Variants in ZFAT observed in about 807,000 individuals in gnomAD.
ZFAT encodes zinc finger and AT-hook domain containing, also known as zinc finger protein ZFAT.
In ZFAT, 64 loss-of-function variants were observed where a neutral mutation model predicts 117.7. The ratio of observed to expected loss-of-function variants is 0.54; its 90% CI spans 0.44 to 0.67. ZFAT has a LOEUF of 0.67. ZFAT is among the 30% of genes least tolerant of loss of function. The pLI, the probability that ZFAT is intolerant of heterozygous loss-of-function variation, is 0.00. For missense variants in ZFAT, 1,433 were observed against 1,584.5 expected, an observed-to-expected ratio of 0.90 and a Z score of 1.62; for synonymous variants, 679 against 615.0, an observed-to-expected ratio of 1.10 and a Z score of -1.54.
intron 3 of ZFAT, among the ~76,000 whole-genome samples, chr8:134,617,426 C>A (rs1437369693): frequency 6.6e-6 from 1 of 152,116 alleles, no homozygotes; most frequent in Non-Finnish European, 1.5e-5. Context: ...AATAAATATA[C>A]AACATAATGT....
chr8:134,750,641 C>T, the ZFAT span, among the ~76,000 whole-genome samples: 855 of 152,228 alleles, frequency 5.6e-3, 9 homozygotes, highest in African/African-American at 0.02. Flanking sequence ...TGGTGCATGC[C>T]TGTAGTCCAA....
In ZFAT at chr8:134,644,435, C is replaced by G. The variant is rs571804026; in HGVS notation, c.197-6723G>C. On this transcript the variant is annotated intron_variant, in intron 2 of 15. Transcript: ENST00000377838. Reference sequence around the variant, plus strand: ...ATGAATGCATGCGTGTGCACACACACTCTCACACACACATGCTCATACACA... The same window carrying G: ...ATGAATGCATGCGTGTGCACACACAGTCTCACACACACATGCTCATACACA... Among the ~76,000 whole-genome samples, 2 of 144,480 alleles carry G rather than the reference C, an allele frequency of 1.4e-5. 1 individual carries two copies. Among genetic ancestry groups the G allele is most frequent in the South Asian group, 4.4e-4 (2 of 4,582 alleles). The allele number at this position is 144,480 out of a possible 152,430, so 94.8% of individuals were successfully genotyped here.
chr8:134,576,566 G>C (rs1490623871), intron 10 of ZFAT, among the ~76,000 whole-genome samples: 1 of 152,194 alleles, frequency 6.6e-6, no homozygotes, highest in Non-Finnish European at 1.5e-5. Context: ...AATCCAGCTA[G>C]GTGCTCAGGG....
chr8:134,547,905 T>TA (rs1195356606), intron 11 of ZFAT, among the ~76,000 whole-genome samples: 11 of 152,198 alleles, frequency 7.2e-5, no homozygotes, highest in African/African-American at 2.7e-4. Context: ...CTAAAGCACT[T>TA]ACACATGTTT....
At chr8:134,492,286 A>C (rs1818109856) in intron 15 of ZFAT, among the ~76,000 whole-genome samples, 1 of 152,084 alleles carries the variant, frequency 6.6e-6, no homozygotes, top group Non-Finnish European at 1.5e-5. Context: ...TGATTCACTC[A>C]TGTCTTGTTT....
chr8:134,626,157 G>A (rs77169896), intron 3 of ZFAT, among the ~76,000 whole-genome samples: 1 of 152,214 alleles, frequency 6.6e-6, no homozygotes, highest in East Asian at 1.9e-4. Context: ...GGAGAGGGGG[G>A]CTGCAGTGTC....
intron 10 of ZFAT, among the ~76,000 whole-genome samples, chr8:134,566,164 A>T (rs1013702955): frequency 3.9e-5 from 6 of 152,046 alleles, no homozygotes; most frequent in African/African-American, 1.4e-4. Flanking sequence ...GGAGGCCGAG[A>T]TGGGCAGATC....
At chr8:134,819,471 C>T in the ZFAT span, among the ~76,000 whole-genome samples, 7 of 148,886 alleles carry the variant, frequency 4.7e-5, no homozygotes, top group East Asian at 7.9e-4. Context: ...CACAATGAAA[C>T]GCCATGAGAA....
intron 11 of ZFAT, among the ~76,000 whole-genome samples, chr8:134,544,445 A>AT (rs1481273689): frequency 1.7e-5 from 1 of 60,476 alleles, no homozygotes; most frequent in African/African-American, 7.7e-5. Flanking sequence ...ATCTGGTTGA[A>AT]ATTTTTTTTT....
At chr8:134,803,365 C>T in the ZFAT span, among the ~76,000 whole-genome samples, 5 of 152,180 alleles carry the variant, frequency 3.3e-5, no homozygotes, top group East Asian at 9.6e-4. Context: ...GGGAAGACTT[C>T]TGAGCTCAGC....
chr8:134,511,650 T>G (rs1434128396), intron 14 of ZFAT, among the ~76,000 whole-genome samples: 2 of 152,224 alleles, frequency 1.3e-5, no homozygotes, highest in Non-Finnish European at 2.9e-5. Context: ...CTGCTTGACC[T>G]CTGCCCTCCA....
At chr8:134,828,931 C>T in the ZFAT span, among the ~76,000 whole-genome samples, 48 of 152,242 alleles carry the variant, frequency 3.2e-4, no homozygotes, top group South Asian at 2.1e-3. Context: ...TTCAAGGTAA[C>T]GGTTTTTACT....
the ZFAT span, among the ~76,000 whole-genome samples, chr8:134,759,379 AC>A: frequency 6.6e-6 from 1 of 152,314 alleles, no homozygotes; most frequent in Non-Finnish European, 1.5e-5. Context: ...ATAGGCAGCT[AC>A]CTTGATGTAA....
At chr8:134,489,402 G>A (rs13266565) in intron 15 of ZFAT, among the ~76,000 whole-genome samples, 19,016 of 152,094 alleles carry the variant, frequency 0.13, 1,366 homozygotes, top group East Asian at 0.17. Flanking sequence ...CTCTTCCAGA[G>A]TGCAGTGACT....
At chr8:134,696,550 T>G (rs991517554) in intron 1 of ZFAT, 1 of 986,102 alleles carries the variant, frequency 1.0e-6, no homozygotes, top group Non-Finnish European at 1.2e-6. Flanking sequence ...CTCAGACTCC[T>G]GCACTCTCCC....
the ZFAT span, among the ~76,000 whole-genome samples, chr8:134,800,317 T>C: frequency 6.6e-6 from 1 of 152,228 alleles, no homozygotes; most frequent in Non-Finnish European, 1.5e-5. Flanking sequence ...CTACTCCTAC[T>C]GCAACCATGC....
At chr8:134,653,202 G>A (rs1334352254) in intron 2 of ZFAT, among the ~76,000 whole-genome samples, 1 of 139,800 alleles carries the variant, frequency 7.2e-6, no homozygotes, top group African/African-American at 2.6e-5. Context: ...AAGTTTTAGG[G>A]TACATGTGCA....
At chr8:134,547,609 C>T (rs867029971) in intron 11 of ZFAT, among the ~76,000 whole-genome samples, 1 of 152,260 alleles carries the variant, frequency 6.6e-6, no homozygotes. Context: ...CCAAAGAACA[C>T]ACCAGAAACA....
the ZFAT span, among the ~76,000 whole-genome samples, chr8:134,751,636 G>T: frequency 1.3e-5 from 2 of 152,194 alleles, no homozygotes; most frequent in African/African-American, 4.8e-5. Flanking sequence ...TTAGGAGCTG[G>T]AAGTAGGGCT....
Sources: gnomAD v4.1 joint callset for allele counts (sites outside exome capture counted in the v4.1 genomes callset) on GRCh38, gnomAD v4.1.1 for gene constraint, MANE v1.5 for transcripts, NCBI Gene and HGNC (gene_info 2026-07-23, HGNC 2026-07-21) for gene names.